The following ZFPM2 variants were observed in gnomAD, a reference collection of about 807,000 sequenced individuals.
ZFPM2 encodes the protein zinc finger protein, FOG family member 2, also known as zinc finger protein ZFPM2.
A neutral mutation model predicts 98.6 loss-of-function variants in ZFPM2; 20 were observed. The ratio of observed to expected loss-of-function variants is 0.20; its 90% CI spans 0.14 to 0.29. ZFPM2 has a LOEUF of 0.29. ZFPM2 is among the 10% of genes least tolerant of loss of function. ZFPM2 has a pLI of 1.00. For synonymous variants in ZFPM2, 518 were observed against 502.7 expected (o/e 1.03, Z -0.41); for missense variants, 1,310 against 1,388.6 (o/e 0.94, Z 0.90).
At chr8:105,630,096 GT>G (rs1816729730) in intron 4 of ZFPM2, among the ~76,000 whole-genome samples, 1 of 152,132 alleles carries the variant, frequency 6.6e-6, no homozygotes, top group Non-Finnish European at 1.5e-5. Flanking sequence ...TTCCCAAAAT[GT>G]TGTGCCAATT....
intron 5 of ZFPM2, among the ~76,000 whole-genome samples, chr8:105,639,338 C>T (rs941811572): frequency 6.6e-6 from 1 of 151,932 alleles, no homozygotes; most frequent in African/African-American, 2.4e-5. Flanking sequence ...AGCTTCAAAT[C>T]GGGAATAATT....
intron 3 of ZFPM2, among the ~76,000 whole-genome samples, chr8:105,551,340 G>GAATGAACTCAAGT (rs1329341969): frequency 6.6e-6 from 1 of 152,122 alleles, no homozygotes; most frequent in Non-Finnish European, 1.5e-5. Context: ...TGAACTCAAG[G>GAATGAACTCAAGT]AATGAACTCA....
chr8:105,637,783 A>G (rs550535782), intron 5 of ZFPM2, among the ~76,000 whole-genome samples: 27 of 152,278 alleles, frequency 1.8e-4, no homozygotes, highest in Admixed American at 3.9e-4. Context: ...ATCTGTATGT[A>G]TGATAAGACT....
chr8:105,696,325 AT>A (rs1811018010), intron 5 of ZFPM2, among the ~76,000 whole-genome samples: 2 of 152,304 alleles, frequency 1.3e-5, no homozygotes, highest in South Asian at 4.1e-4. Context: ...TTACCCTTAT[AT>A]GATCGTGGAC....
In ZFPM2 at chr8:105,441,454, G is replaced by GAGAGAGAGAGAGAGAGAGAGAAAGAAAGA. The variant is rs1812240131; in HGVS notation, c.200-2825_200-2824insGAGAGAGAGAGAGAGAGAGAAAGAAAGAA. On this transcript the variant is annotated intron_variant, in intron 2 of 7. Coordinates refer to ENST00000407775, the MANE Select transcript of ZFPM2 (RefSeq NM_012082.4). ...AAAGAAAGAGAGAGAGAGAGAGAGA[G>GAGAGAGAGAGAGAGAGAGAGAAAGAAAGA]AAAGAAAGAAAGAAAGAAAGAAAGA... Among the ~76,000 whole-genome samples, 6 of 54,328 alleles carry GAGAGAGAGAGAGAGAGAGAGAAAGAAAGA rather than the reference G, an allele frequency of 1.1e-4. 2 individuals are homozygous for GAGAGAGAGAGAGAGAGAGAGAAAGAAAGA. The highest frequency in any genetic ancestry group is 6.7e-4 in the African/African-American group (6 of 8,964). 35.6% of individuals were successfully genotyped at this position (54,328 alleles called of 152,430 possible).
intron 3 of ZFPM2, among the ~76,000 whole-genome samples, chr8:105,452,045 TAAAG>T (rs1009374247): frequency 6.6e-6 from 1 of 152,116 alleles, no homozygotes; most frequent in Non-Finnish European, 1.5e-5. Context: ...TAAAAAATGT[TAAAG>T]AAACTTCACT....
chr8:105,539,601 A>G (rs779200771), intron 3 of ZFPM2, among the ~76,000 whole-genome samples: 1 of 152,168 alleles, frequency 6.6e-6, no homozygotes, highest in Non-Finnish European at 1.5e-5. Context: ...GATAGTAAAG[A>G]AACCAATAAA....
chr8:105,700,587 T>A lies in ZFPM2; in HGVS notation c.532+66230T>A, dbSNP rs550243950. 1.6e-4 allele frequency among the ~76,000 whole-genome samples: 24 copies of A among 148,842 alleles called. No homozygotes were observed. In the East Asian group the frequency reaches 2.0e-3, roughly 12 times the overall value. On this transcript the variant is annotated intron_variant, in intron 5 of 7. Coordinates refer to ENST00000407775, the MANE Select transcript of ZFPM2 (RefSeq NM_012082.4). ...TTTTGTTTGTTTGTTTGTTTGTTTGTTTGATTGTTTGTTTGTTTTTTGAGA... is the reference window on the plus strand; with the variant it reads ...TTTTGTTTGTTTGTTTGTTTGTTTGATTGATTGTTTGTTTGTTTTTTGAGA...
chr8:105,510,398 GTTTT>G (rs756888707), intron 3 of ZFPM2, among the ~76,000 whole-genome samples: 51 of 138,870 alleles, frequency 3.7e-4, no homozygotes, highest in African/African-American at 1.1e-3. Flanking sequence ...GTCTGTGCAT[GTTTT>G]TTTTTTTTTT....
chr8:105,525,254 A>G (rs1814150015), intron 3 of ZFPM2, among the ~76,000 whole-genome samples: 1 of 152,186 alleles, frequency 6.6e-6, no homozygotes, highest in South Asian at 2.1e-4. Flanking sequence ...TTGTTCCGTC[A>G]ATAGTGTATA....
At chr8:105,522,826 G>T (rs539090840) in intron 3 of ZFPM2, among the ~76,000 whole-genome samples, 18 of 152,182 alleles carry the variant, frequency 1.2e-4, no homozygotes, top group Non-Finnish European at 2.1e-4. Flanking sequence ...ACTTTCTTAG[G>T]CTCTATTTAG....
chr8:105,423,132 C>T (rs1420324308), intron 2 of ZFPM2, among the ~76,000 whole-genome samples: 1 of 152,070 alleles, frequency 6.6e-6, no homozygotes. Flanking sequence ...TTAAATAAGA[C>T]CCAAATCACT....
At chr8:105,351,363 GTGTGTGTGTGTGTGTGTGTT>G (rs1216433681) in intron 1 of ZFPM2, among the ~76,000 whole-genome samples, 2 of 150,772 alleles carry the variant, frequency 1.3e-5, no homozygotes, top group African/African-American at 2.4e-5. Context: ...TCGTGTGTGT[GTGTGTGTGTGTGTGTGTGTT>G]TGTGTGTGTG....
At chr8:105,439,821 A>T in intron 2 of ZFPM2, among the ~76,000 whole-genome samples, 1 of 152,084 alleles carries the variant, frequency 6.6e-6, no homozygotes, top group East Asian at 1.9e-4. Context: ...GGGGAGAACA[A>T]CTCCTTTTGT....
Position 105,581,844 on chromosome 8 carries a change from C to T in ZFPM2, c.420+20363C>T, listed in dbSNP as rs955120278. On this transcript the variant is annotated intron_variant, in intron 4 of 7. Transcript: ENST00000407775. ...CAGCCCTGCTCTTTCTTGTGCCTGG[C>T]TCTATTAATGATAATTACTCAGAAT... Among the ~76,000 whole-genome samples, 343 of 152,314 alleles carry T rather than the reference C, an allele frequency of 2.3e-3. 7 individuals are homozygous for T. Among genetic ancestry groups the T allele is most frequent in the Non-Finnish European group, 1.9e-4 (13 of 68,038 alleles).
intron 3 of ZFPM2, among the ~76,000 whole-genome samples, chr8:105,465,475 T>C (rs1812780880): frequency 1.3e-5 from 2 of 151,944 alleles, no homozygotes; most frequent in Non-Finnish European, 2.9e-5. Flanking sequence ...AAAAATGAAA[T>C]TGTTTATTAT....
At chr8:105,319,577 C>T in intron 1 of ZFPM2, 1 of 152,616 alleles carries the variant, frequency 6.6e-6, no homozygotes, top group Non-Finnish European at 1.5e-5. Context: ...GGCGGCCGTG[C>T]GTCTCTGCCC....
intron 5 of ZFPM2, 144 bp from the exon 6 acceptor site, chr8:105,788,574 C>T (rs1179108915): frequency 5.3e-6 from 4 of 750,390 alleles, no homozygotes; most frequent in Non-Finnish European, 8.8e-6. Context: ...GCAAGAGGAA[C>T]ACAGCTGTTG....
chr8:105,359,434 G>T (rs1812814734), intron 1 of ZFPM2, among the ~76,000 whole-genome samples: 2 of 147,114 alleles, frequency 1.4e-5, no homozygotes, highest in South Asian at 4.3e-4. Context: ...GGAGTGCAGT[G>T]ACATGATCTT....
Sources: allele counts gnomAD v4.1 joint callset (sites outside exome capture counted in the v4.1 genomes callset), GRCh38; gene constraint gnomAD v4.1.1; transcripts MANE v1.5; gene names NCBI Gene and HGNC (gene_info 2026-07-23, HGNC 2026-07-21).